LRRC37A2: variants seen among roughly 807,000 people sequenced by gnomAD.
LRRC37A2 encodes leucine rich repeat containing 37 member A2.
LRRC37A2 carries 9 observed loss-of-function variants against 68.8 expected under a neutral mutation model. The observed-to-expected ratio is 0.13, with a 90% CI of 0.08 to 0.23. The LOEUF (loss-of-function observed/expected upper bound fraction) is 0.23. Among genes scored for constraint, LRRC37A2 ranks in the 10% least tolerant of loss-of-function variants. The pLI, the probability that LRRC37A2 is intolerant of heterozygous loss-of-function variation, is 1.00. For synonymous variants in LRRC37A2, 63 were observed against 367.6 expected (o/e 0.17, Z 9.48); for missense variants, 168 against 950.4 (o/e 0.18, Z 10.82).
chr17:46,904,456 GGA>G, the LRRC37A2 span, among the ~76,000 whole-genome samples: 5 of 147,086 alleles, frequency 3.4e-5, no homozygotes, highest in Non-Finnish European at 7.6e-5. Flanking sequence ...CTGGATGGAT[GGA>G]TGGATGGATG....
At chr17:46,964,841 A>G in the LRRC37A2 span, 1 of 152,278 alleles carries the variant, frequency 6.6e-6, no homozygotes. Context: ...CAAGAAAAGA[A>G]AAAAGGAGAA....
At chr17:46,926,163 A>T in the LRRC37A2 span, among the ~76,000 whole-genome samples, 1 of 152,202 alleles carries the variant, frequency 6.6e-6, no homozygotes, top group Non-Finnish European at 1.5e-5. Context: ...CTATTACCTT[A>T]TCTCAAGACC....
chr17:46,752,574 G>A, the LRRC37A2 span, among the ~76,000 whole-genome samples: 1 of 152,206 alleles, frequency 6.6e-6, no homozygotes. Flanking sequence ...TCCCGTCTCA[G>A]CCTCCCAAGT....
chr17:46,537,161 CTTTTTTTTTTTTTTT>C (rs1212155417), intron 6 of LRRC37A2, among the ~76,000 whole-genome samples: 1 of 7,782 alleles, frequency 1.3e-4, no homozygotes, highest in Non-Finnish European at 2.5e-4. Context: ...TTGGATGTCT[CTTTTTTTTTTTTTTT>C]TTTTTTTTTT....
chr17:46,978,642 C>T, the LRRC37A2 span: 1 of 1,590,572 alleles, frequency 6.3e-7, no homozygotes, highest in Non-Finnish European at 8.5e-7. Flanking sequence ...ACCCAGATGG[C>T]GCTCAGTACA....
chr17:46,919,535 G>A, the LRRC37A2 span, among the ~76,000 whole-genome samples: 7 of 152,216 alleles, frequency 4.6e-5, no homozygotes, highest in South Asian at 4.1e-4. Flanking sequence ...AGGAAAACAA[G>A]ACATAGGCAT....
chr17:46,473,011 G>A, the LRRC37A2 span, among the ~76,000 whole-genome samples: 8 of 54,030 alleles, frequency 1.5e-4, no homozygotes, highest in Non-Finnish European at 3.1e-4. Context: ...GTATTACATA[G>A]CTCCATTTTG....
chr17:47,003,039 C>T, the LRRC37A2 span, among the ~76,000 whole-genome samples: 2 of 151,812 alleles, frequency 1.3e-5, no homozygotes, highest in South Asian at 2.1e-4. Context: ...GCCAGGAGCT[C>T]GAGACCAGCC....
the LRRC37A2 span, among the ~76,000 whole-genome samples, chr17:46,926,962 C>G: frequency 2.0e-5 from 3 of 152,180 alleles, no homozygotes; most frequent in Admixed American, 6.5e-5. Flanking sequence ...ATGCTTTATT[C>G]TACTAGTTAT....
chr17:46,974,083 C>T, the LRRC37A2 span, among the ~76,000 whole-genome samples: 3 of 152,232 alleles, frequency 2.0e-5, no homozygotes, highest in Admixed American at 6.5e-5. Context: ...CTACTTCCCC[C>T]GTTCTAGGGG....
chr17:46,928,970 T>C, the LRRC37A2 span, among the ~76,000 whole-genome samples: 14 of 152,024 alleles, frequency 9.2e-5, no homozygotes. Flanking sequence ...CCTCTTTCTG[T>C]TTGTTTATAC....
chr17:46,859,059 C>A, the LRRC37A2 span, among the ~76,000 whole-genome samples: 1 of 151,392 alleles, frequency 6.6e-6, no homozygotes, highest in Non-Finnish European at 1.5e-5. Context: ...TCACTGCAAC[C>A]TCCACCTCCC....
the LRRC37A2 span, among the ~76,000 whole-genome samples, chr17:46,845,894 G>T: frequency 6.7e-6 from 1 of 148,942 alleles, no homozygotes; most frequent in South Asian, 2.1e-4. Context: ...GAGTTCAAGC[G>T]ATTCTCCTGC....
chr17:46,488,500 T>G, the LRRC37A2 span, among the ~76,000 whole-genome samples: 4 of 61,860 alleles, frequency 6.5e-5, no homozygotes, highest in African/African-American at 7.0e-5. Flanking sequence ...AGGTCAGGAG[T>G]TCGAGACCAG....
chr17:46,748,113 A>G, the LRRC37A2 span, among the ~76,000 whole-genome samples: 1 of 152,018 alleles, frequency 6.6e-6, no homozygotes, highest in Admixed American at 6.6e-5. Flanking sequence ...TTATTTATTT[A>G]TTTATTTTTT....
the LRRC37A2 span, among the ~76,000 whole-genome samples, chr17:46,759,231 G>T: frequency 6.6e-6 from 1 of 152,158 alleles, no homozygotes; most frequent in African/African-American, 2.4e-5. Context: ...ACTGGGGAAG[G>T]GTGTGTATGA....
chr17:46,968,447 A>G, the LRRC37A2 span, among the ~76,000 whole-genome samples: 1 of 152,190 alleles, frequency 6.6e-6, no homozygotes, highest in East Asian at 1.9e-4. Flanking sequence ...GTGTCCCTCC[A>G]TGCGGGGACC....
the LRRC37A2 span, among the ~76,000 whole-genome samples, chr17:46,973,456 C>T: frequency 6.6e-6 from 1 of 152,132 alleles, no homozygotes; most frequent in Non-Finnish European, 1.5e-5. Context: ...AGCCACCACA[C>T]CTAGCCTCTG....
chr17:46,993,395 C>T, the LRRC37A2 span, among the ~76,000 whole-genome samples: 4 of 152,208 alleles, frequency 2.6e-5, no homozygotes, highest in Non-Finnish European at 4.4e-5. Flanking sequence ...AGTCTGCCTA[C>T]CCCCAGGATT....
Sources: allele counts gnomAD v4.1 joint callset (sites outside exome capture counted in the v4.1 genomes callset), GRCh38; gene constraint gnomAD v4.1.1; transcripts MANE v1.5; gene names NCBI Gene and HGNC (gene_info 2026-07-23, HGNC 2026-07-21).